RFX3: variants seen among roughly 807,000 people sequenced by gnomAD.
The protein encoded by RFX3 is transcription factor RFX3.
Under a neutral mutation model 98.6 loss-of-function variants are expected in RFX3, and 14 were observed. The ratio of observed to expected loss-of-function variants is 0.14; its 90% CI spans 0.09 to 0.22. The LOEUF (loss-of-function observed/expected upper bound fraction) is 0.22. Among genes scored for constraint, RFX3 ranks in the 10% least tolerant of loss-of-function variants. The pLI, the probability that RFX3 is intolerant of heterozygous loss-of-function variation, is 1.00. For synonymous variants in RFX3, 383 were observed against 328.4 expected (o/e 1.17, Z -1.80); for missense variants, 639 against 926.9 (o/e 0.69, Z 4.03).
chr9:3,306,825 G>T (rs1011351809), intron 4 of RFX3, among the ~76,000 whole-genome samples: 1 of 151,974 alleles, frequency 6.6e-6, no homozygotes, highest in African/African-American at 2.4e-5. Context: ...AACATTTTAG[G>T]CAAAGCAAAC....
chr9:3,308,861 G>A (rs1450530778), intron 4 of RFX3, among the ~76,000 whole-genome samples: 1 of 152,080 alleles, frequency 6.6e-6, no homozygotes, highest in Non-Finnish European at 1.5e-5. Flanking sequence ...GAGAGGAACT[G>A]GAGAATTACA....
chr9:3,238,656 G>T (rs1047990706), intron 15 of RFX3, among the ~76,000 whole-genome samples: 2 of 152,068 alleles, frequency 1.3e-5, no homozygotes, highest in African/African-American at 4.8e-5. Context: ...TACTTAACTT[G>T]AACTTTGCAA....
intron 6 of RFX3, among the ~76,000 whole-genome samples, chr9:3,291,412 AAACAAAAC>A (rs1827336147): frequency 6.6e-6 from 1 of 151,392 alleles, no homozygotes; most frequent in Non-Finnish European, 1.5e-5. Flanking sequence ...AAACAAAACA[AAACAAAAC>A]AAAACAAAAC....
chr9:3,449,900 A>C (rs1046855577), intron 1 of RFX3, among the ~76,000 whole-genome samples: 5 of 151,508 alleles, frequency 3.3e-5, no homozygotes, highest in African/African-American at 1.2e-4. Context: ...AAAAAAAAAA[A>C]CCTAAGACAC....
chr9:3,255,802 T>C (rs1327405375), intron 14 of RFX3, among the ~76,000 whole-genome samples: 1 of 152,196 alleles, frequency 6.6e-6, no homozygotes, highest in Non-Finnish European at 1.5e-5. Flanking sequence ...TGGGTGCTTC[T>C]ATGTCTACAA....
intron 1 of RFX3, among the ~76,000 whole-genome samples, chr9:3,496,376 T>A (rs549582794): frequency 6.6e-6 from 1 of 152,138 alleles, no homozygotes; most frequent in East Asian, 1.9e-4. Flanking sequence ...GTTTAAAGAA[T>A]TCTTAATCAC....
rs1259804545 is a variant in RFX3 at position 3,369,984 on chromosome 9, A to G, written c.118-23220T>C. Among the ~76,000 whole-genome samples, 662 of 144,270 alleles carry G rather than the reference A, an allele frequency of 4.6e-3. 4 individuals are homozygous for G. The highest frequency in any genetic ancestry group is 0.01 in the African/African-American group (404 of 38,656). 94.6% of individuals were successfully genotyped at this position (144,270 alleles called of 152,430 possible). A position where few individuals can be genotyped will look rare whatever the true frequency, so the allele number is the denominator to read the frequency against. ...GCTGGGACTACAGGCGCCCGCCACT[A>G]CGCCCGGCTAATTTTTTTTTTTTTT... is the stretch of plus-strand genomic sequence containing the variant. On this transcript the variant is annotated intron_variant, in intron 2 of 16. Coordinates refer to ENST00000617270, the MANE Select transcript of RFX3 (RefSeq NM_001282116.2).
At chr9:3,476,860 T>C (rs562238021) in intron 1 of RFX3, among the ~76,000 whole-genome samples, 9 of 152,232 alleles carry the variant, frequency 5.9e-5, no homozygotes, top group Admixed American at 4.6e-4. Flanking sequence ...TGGGCTTTAG[T>C]GTTAAACAGA....
At chr9:3,311,447 A>C (rs1228888590) in intron 4 of RFX3, among the ~76,000 whole-genome samples, 2 of 152,226 alleles carry the variant, frequency 1.3e-5, no homozygotes, top group African/African-American at 4.8e-5. Context: ...AGGAGGGTAC[A>C]TCCTATAGGA....
intron 2 of RFX3, among the ~76,000 whole-genome samples, chr9:3,382,788 T>C (rs764756136): frequency 1.3e-5 from 2 of 152,134 alleles, no homozygotes; most frequent in African/African-American, 4.8e-5. Flanking sequence ...ATAGGAAATG[T>C]AGAGAAAATT....
chr9:3,309,363 G>T (rs1223026389), intron 4 of RFX3, among the ~76,000 whole-genome samples: 1 of 152,140 alleles, frequency 6.6e-6, no homozygotes, highest in Non-Finnish European at 1.5e-5. Flanking sequence ...TCTCCTGGGA[G>T]ACAGAGACAG....
intron 2 of RFX3, among the ~76,000 whole-genome samples, chr9:3,369,983 T>C (rs7027049): frequency 0.033 from 4,946 of 147,982 alleles, 213 homozygotes; most frequent in African/African-American, 0.1. Context: ...CGCCCGCCAC[T>C]ACGCCCGGCT....
At chr9:3,510,775 C>T (rs1052600547) in intron 1 of RFX3, among the ~76,000 whole-genome samples, 2 of 151,914 alleles carry the variant, frequency 1.3e-5, no homozygotes, top group African/African-American at 4.8e-5. Flanking sequence ...GTTACATTTA[C>T]GTTTTATTCA....
intron 15 of RFX3, among the ~76,000 whole-genome samples, chr9:3,238,087 G>A (rs1450800684): frequency 6.6e-6 from 1 of 152,134 alleles, no homozygotes; most frequent in African/African-American, 2.4e-5. Flanking sequence ...GTTCGTGTTT[G>A]CAGAGGGACC....
chr9:3,488,559 A>G (rs1850466203), intron 1 of RFX3, among the ~76,000 whole-genome samples: 1 of 152,208 alleles, frequency 6.6e-6, no homozygotes, highest in South Asian at 2.1e-4. Flanking sequence ...AAACTACTTA[A>G]AAGAGTTAGT....
At chr9:3,497,042 C>T (rs939304607) in intron 1 of RFX3, among the ~76,000 whole-genome samples, 2 of 151,984 alleles carry the variant, frequency 1.3e-5, no homozygotes, top group African/African-American at 4.8e-5. Flanking sequence ...CACAAATCTG[C>T]TTCATACTGA....
At chr9:3,391,366 CT>C in intron 2 of RFX3, among the ~76,000 whole-genome samples, 1 of 152,180 alleles carries the variant, frequency 6.6e-6, no homozygotes, top group East Asian at 1.9e-4. Flanking sequence ...GAAAAACATG[CT>C]TCTAAATAAG....
rs1291944492 is a variant in RFX3 at position 3,525,968 on chromosome 9, G to C, written c.-230C>G. 5 of 413,124 alleles carry C rather than the reference G, an allele frequency of 1.2e-5. No homozygotes were observed. The highest frequency in any genetic ancestry group is 1.6e-5 in the Non-Finnish European group (5 of 308,504). The allele number at this position is 413,124 out of a possible 1,614,324, so 25.6% of individuals were successfully genotyped here. A position where few individuals can be genotyped will look rare whatever the true frequency, so the allele number is the denominator to read the frequency against. On this transcript the variant is annotated 5_prime_UTR_variant, in exon 1 of 17. Coordinates refer to ENST00000617270, the MANE Select transcript of RFX3 (RefSeq NM_001282116.2). ...AGAGAGAGAGAGAGCGAGAGGGAGA[G>C]GGAGACACTCGCACGGGGAGGGGTG...
At chr9:3,366,694 C>G (rs1299577550) in intron 2 of RFX3, among the ~76,000 whole-genome samples, 1 of 8,304 alleles carries the variant, frequency 1.2e-4, no homozygotes, top group South Asian at 5.3e-3. Flanking sequence ...TCTTTCTTTC[C>G]TTTCTTTCTT....
Sources: allele counts gnomAD v4.1 joint callset (sites outside exome capture counted in the v4.1 genomes callset), GRCh38; gene constraint gnomAD v4.1.1; transcripts MANE v1.5; gene names NCBI Gene and HGNC (gene_info 2026-07-23, HGNC 2026-07-21).